The following LINGO2 variants were observed in gnomAD, a reference collection of about 807,000 sequenced individuals.
LINGO2 encodes the protein leucine-rich repeat and immunoglobulin-like domain-containing nogo receptor-interacting protein 2.
Under a neutral mutation model 30.6 loss-of-function variants are expected in LINGO2, and 14 were observed. The observed-to-expected ratio is 0.46, with a 90% CI of 0.30 to 0.72. The LOEUF is 0.72. LINGO2 is among the 30% of genes least tolerant of loss of function. The pLI, the probability that LINGO2 is intolerant of heterozygous loss-of-function variation, is 0.07. For missense variants in LINGO2, 729 were observed against 751.7 expected (o/e 0.97, Z 0.35); for synonymous variants, 317 against 288.5 (o/e 1.10, Z -1.00).
At chr9:28,932,084 G>A in the LINGO2 span, among the ~76,000 whole-genome samples, 1 of 111,582 alleles carries the variant, frequency 9.0e-6, no homozygotes, top group Non-Finnish European at 1.8e-5. Flanking sequence ...TCCAGCCTGG[G>A]TGACAGAGCA....
At chr9:27,980,907 C>A (rs912509062) in intron 5 of LINGO2, among the ~76,000 whole-genome samples, 1 of 151,802 alleles carries the variant, frequency 6.6e-6, no homozygotes, top group Non-Finnish European at 1.5e-5. Flanking sequence ...GAATTAGGAA[C>A]TAAAGGCAAT....
chr9:28,333,130 T>C (rs949919857), intron 3 of LINGO2, among the ~76,000 whole-genome samples: 51 of 152,330 alleles, frequency 3.3e-4, no homozygotes, highest in African/African-American at 1.2e-3. Context: ...CACTAGAAGC[T>C]TTCTAACAAG....
chr9:28,546,431 T>C (rs1450774592), intron 1 of LINGO2, among the ~76,000 whole-genome samples: 1 of 152,052 alleles, frequency 6.6e-6, no homozygotes, highest in Non-Finnish European at 1.5e-5. Flanking sequence ...CTAATGGTAA[T>C]AGACTGAGTG....
At chr9:28,717,575 T>C in the LINGO2 span, among the ~76,000 whole-genome samples, 52,929 of 151,792 alleles carry the variant, frequency 0.35, 9,880 homozygotes, top group Admixed American at 0.46. Flanking sequence ...CAAGAGCAAA[T>C]GTACACAGAG....
At chr9:28,918,791 G>C in the LINGO2 span, among the ~76,000 whole-genome samples, 2 of 151,820 alleles carry the variant, frequency 1.3e-5, no homozygotes, top group African/African-American at 4.8e-5. Context: ...AGAAAAACAT[G>C]AAACAAAACA....
chr9:28,468,949 C>T (rs1483091031), intron 2 of LINGO2, among the ~76,000 whole-genome samples: 1 of 152,010 alleles, frequency 6.6e-6, no homozygotes, highest in East Asian at 1.9e-4. Flanking sequence ...AGTTAACTTT[C>T]AGAAACTGTC....
chr9:27,947,371 TG>T (rs1244435691), downstream of LINGO2, among the ~76,000 whole-genome samples: 1 of 152,144 alleles, frequency 6.6e-6, no homozygotes, highest in East Asian at 1.9e-4. Flanking sequence ...TAAGTATCCT[TG>T]GGTCAGAGAG....
intron 2 of LINGO2, among the ~76,000 whole-genome samples, chr9:28,426,170 A>G (rs2134912364): frequency 6.6e-6 from 1 of 152,160 alleles, no homozygotes; most frequent in Admixed American, 6.6e-5. Flanking sequence ...CACTTGCTAC[A>G]ATACAACGAC....
At chr9:29,000,031 G>A in the LINGO2 span, among the ~76,000 whole-genome samples, 1 of 151,918 alleles carries the variant, frequency 6.6e-6, no homozygotes, top group African/African-American at 2.4e-5. Flanking sequence ...CATTTAGATA[G>A]TAGAAAGTAA....
At chr9:28,213,356 A>G (rs1820658507) in intron 4 of LINGO2, among the ~76,000 whole-genome samples, 2 of 151,494 alleles carry the variant, frequency 1.3e-5, no homozygotes, top group African/African-American at 4.8e-5. Context: ...TATTGAGCCA[A>G]TCTTCAGAAA....
chr9:28,154,784 A>G (rs1244727367), intron 4 of LINGO2, among the ~76,000 whole-genome samples: 1 of 152,250 alleles, frequency 6.6e-6, no homozygotes, highest in African/African-American at 2.4e-5. Context: ...ATAGGATTAC[A>G]AGGCAGAATA....
At chr9:28,635,972 C>G (rs942054997) in intron 1 of LINGO2, among the ~76,000 whole-genome samples, 1 of 152,192 alleles carries the variant, frequency 6.6e-6, no homozygotes, top group South Asian at 2.1e-4. Context: ...TATCCCTCCC[C>G]ACTCTCCCCA....
intron 5 of LINGO2, among the ~76,000 whole-genome samples, chr9:27,990,463 C>CCA (rs775935968): frequency 2.5e-4 from 2 of 8,086 alleles, no homozygotes; most frequent in Non-Finnish European, 2.4e-3. Flanking sequence ...GGTCTCAATA[C>CCA]CCCCCCCCCT....
the LINGO2 span, among the ~76,000 whole-genome samples, chr9:29,027,321 T>C: frequency 6.6e-6 from 1 of 152,144 alleles, no homozygotes; most frequent in African/African-American, 2.4e-5. Context: ...AGATATGACT[T>C]TTTTAAAAGT....
At chr9:29,013,817 T>C in the LINGO2 span, among the ~76,000 whole-genome samples, 1 of 152,204 alleles carries the variant, frequency 6.6e-6, no homozygotes, top group Non-Finnish European at 1.5e-5. Context: ...TTTTCATTAA[T>C]AGACAAGTAC....
intron 4 of LINGO2, among the ~76,000 whole-genome samples, chr9:28,094,654 G>C (rs1047371330): frequency 2.0e-5 from 3 of 151,980 alleles, no homozygotes; most frequent in Non-Finnish European, 2.9e-5. Flanking sequence ...GGTGAACATA[G>C]ACTTTTTTTC....
intron 3 of LINGO2, among the ~76,000 whole-genome samples, chr9:28,319,359 T>A (rs548004832): frequency 6.2e-4 from 94 of 152,300 alleles, no homozygotes; most frequent in African/African-American, 2.3e-3. Flanking sequence ...TACTCTCTTA[T>A]ATGGATTTAT....
the LINGO2 span, among the ~76,000 whole-genome samples, chr9:28,796,257 A>G: frequency 6.6e-6 from 1 of 152,156 alleles, no homozygotes; most frequent in Admixed American, 6.5e-5. Flanking sequence ...TATCCCATGC[A>G]TTTGAGAACT....
At chr9:29,023,051 G>T in the LINGO2 span, among the ~76,000 whole-genome samples, 1 of 151,542 alleles carries the variant, frequency 6.6e-6, no homozygotes, top group Admixed American at 6.6e-5. Flanking sequence ...TGCCTACATA[G>T]TCAGCATTCA....
Sources: gnomAD v4.1 joint callset for allele counts (sites outside exome capture counted in the v4.1 genomes callset) on GRCh38, gnomAD v4.1.1 for gene constraint, MANE v1.5 for transcripts, NCBI Gene and HGNC (gene_info 2026-07-23, HGNC 2026-07-21) for gene names.